The following TUSC3 variants were observed in gnomAD, a reference collection of about 807,000 sequenced individuals.
TUSC3 encodes the protein dolichyl-diphosphooligosaccharide--protein glycosyltransferase subunit TUSC3.
TUSC3 carries 45 observed loss-of-function variants against 44.8 expected under a neutral mutation model. The observed-to-expected ratio is 1.00, with a 90% confidence interval of 0.79 to 1.29. TUSC3 has a LOEUF of 1.29. Among genes scored for constraint, TUSC3 ranks in the 50% most tolerant of loss-of-function variants. The probability of loss-of-function intolerance (pLI) is 0.00; values close to 1 mark genes in which losing one functional copy is unlikely to be tolerated. For synonymous variants in TUSC3, 212 were observed against 152.9 expected (o/e 1.39, Z -2.85); for missense variants, 519 against 437.9 (o/e 1.19, Z -1.65).
At chr8:15,431,222 C>T (rs10087153) in intron 1 of TUSC3, among the ~76,000 whole-genome samples, 21,149 of 151,336 alleles carry the variant, frequency 0.14, 1,773 homozygotes, top group Middle Eastern at 0.22. Context: ...TTTTTTTAAT[C>T]ACATTTTTTA....
At chr8:15,634,203 C>A (rs1355085017) in intron 2 of TUSC3, among the ~76,000 whole-genome samples, 1 of 152,158 alleles carries the variant, frequency 6.6e-6, no homozygotes, top group African/African-American at 2.4e-5. Context: ...GTTTTGCTTA[C>A]AATTATTGAG....
chr8:15,805,212 A>G, the TUSC3 span, among the ~76,000 whole-genome samples: 3 of 152,086 alleles, frequency 2.0e-5, no homozygotes, highest in Non-Finnish European at 4.4e-5. Flanking sequence ...GTTGTTTATC[A>G]GGATCCAGGA....
At chr8:15,495,406 G>A (rs544969696) in intron 2 of TUSC3, among the ~76,000 whole-genome samples, 2 of 152,174 alleles carry the variant, frequency 1.3e-5, no homozygotes, top group East Asian at 3.9e-4. Flanking sequence ...TTAAAACCGT[G>A]GAAATGACCT....
intron 2 of TUSC3, among the ~76,000 whole-genome samples, chr8:15,526,189 C>T (rs1323572297): frequency 6.6e-6 from 1 of 152,012 alleles, no homozygotes; most frequent in Non-Finnish European, 1.5e-5. Flanking sequence ...CCCGCCATCA[C>T]GGCCGGCTAA....
Position 15,750,487 on chromosome 8 carries a change from G to T in TUSC3, c.1028+2022G>T, listed in dbSNP as rs527484882. ...TGTTGCACTTGACAGCCCTATTTTT[G>T]TTACGATAGGAAGAGTTTAAGTTTG... is the stretch of plus-strand genomic sequence containing the variant. On this transcript the variant is annotated intron_variant, in intron 9 of 10. Transcript: ENST00000503731. Among the ~76,000 whole-genome samples the T allele has an allele frequency of 1.9e-3, 292 of 151,518 alleles. 1 individual carries two copies. Among genetic ancestry groups the T allele is most frequent in the Non-Finnish European group, 3.3e-3 (222 of 67,852 alleles).
chr8:15,677,819 G>T (rs1808256079), intron 6 of TUSC3, among the ~76,000 whole-genome samples: 1 of 152,298 alleles, frequency 6.6e-6, no homozygotes, highest in Middle Eastern at 3.4e-3. Context: ...GCACTAAGAA[G>T]GGTGCCATGG....
At chr8:15,623,768 T>C (rs1158701471) in intron 2 of TUSC3, among the ~76,000 whole-genome samples, 1 of 152,166 alleles carries the variant, frequency 6.6e-6, no homozygotes, top group Non-Finnish European at 1.5e-5. Context: ...ACAAACACTT[T>C]TTTAAATTGA....
At chr8:15,419,507 C>G (rs1436685534) in intron 1 of TUSC3, among the ~76,000 whole-genome samples, 3 of 151,978 alleles carry the variant, frequency 2.0e-5, no homozygotes, top group African/African-American at 4.8e-5. Context: ...ACACATGTGC[C>G]AAATTTGATG....
At position 15,554,727 on chromosome 8, in the gene TUSC3, C is replaced by T. The variant is rs1309825468; in HGVS notation, c.138+14159C>T. 4.0e-5 allele frequency among the ~76,000 whole-genome samples: 6 copies of T among 150,168 alleles called. 1 individual carries two copies. The highest frequency in any genetic ancestry group is 8.9e-5 in the Non-Finnish European group (6 of 67,410). The stretch of plus-strand genomic sequence containing the variant: ...ACACCATTCTCCTGCCTCAGCCTCC[C>T]GAGTAGCTGGGACCACAGGCGCCCT... On this transcript the variant is annotated intron_variant, in intron 1 of 10. Transcript: ENST00000503731.
chr8:15,491,061 T>C (rs547474842), intron 2 of TUSC3, among the ~76,000 whole-genome samples: 1 of 152,276 alleles, frequency 6.6e-6, no homozygotes, highest in East Asian at 1.9e-4. Context: ...ACATTTTACA[T>C]ATGAGAAGGG....
chr8:15,741,373 C>A (rs2129213397), intron 7 of TUSC3, among the ~76,000 whole-genome samples: 1 of 152,264 alleles, frequency 6.6e-6, no homozygotes. Context: ...TTAATGTCTA[C>A]ATAAATTCAT....
chr8:15,533,205 G>A (rs546935535), intron 2 of TUSC3, among the ~76,000 whole-genome samples: 7 of 152,284 alleles, frequency 4.6e-5, no homozygotes, highest in South Asian at 2.1e-4. Context: ...TGAGGCCTCC[G>A]CAGCCACATG....
At chr8:15,487,790 A>T (rs959509804) in intron 2 of TUSC3, among the ~76,000 whole-genome samples, 222 of 152,302 alleles carry the variant, frequency 1.5e-3, no homozygotes, top group African/African-American at 5.1e-3. Flanking sequence ...GATGTTTCCA[A>T]GGATCACTTC....
chr8:15,662,036 T>C (rs750486927), intron 4 of TUSC3, 120 bp from the exon 5 acceptor site: 204 of 1,108,188 alleles, frequency 1.8e-4, no homozygotes, highest in Non-Finnish European at 2.5e-4. Flanking sequence ...GTGTCACGTA[T>C]GAAAAGTTGG....
chr8:15,768,717 T>C (rs1812392378), downstream of TUSC3, among the ~76,000 whole-genome samples: 1 of 152,160 alleles, frequency 6.6e-6, no homozygotes, highest in African/African-American at 2.4e-5. Context: ...CAAATCCCCT[T>C]AAGCTGATAA....
intron 9 of TUSC3, among the ~76,000 whole-genome samples, chr8:15,753,892 AAGAGGGAACAAAT>A (rs763948987): frequency 3.9e-4 from 60 of 152,216 alleles, no homozygotes; most frequent in Admixed American, 1.1e-3. Flanking sequence ...GCAAGTGTCA[AAGAGGGAACAAAT>A]AGAGGGAACA....
the TUSC3 span, among the ~76,000 whole-genome samples, chr8:15,790,408 G>A: frequency 1.3e-5 from 2 of 152,034 alleles, no homozygotes; most frequent in East Asian, 3.9e-4. Flanking sequence ...TGGTCTCCAT[G>A]TCTTAACCTC....
chr8:15,767,299 G>A (rs1006039589), downstream of TUSC3, among the ~76,000 whole-genome samples: 2 of 151,636 alleles, frequency 1.3e-5, no homozygotes, highest in African/African-American at 4.9e-5. Context: ...CTCACCTTCC[G>A]GCCATAATAG....
chr8:15,715,641 C>T lies in TUSC3; in HGVS notation c.799-15025C>T, dbSNP rs138175214. ...GTAGTTGACAGCAGGTAACCGATACCACAGAAAGTAAAACCAAAGATAAGG... is the reference window on the plus strand; with the variant it reads ...GTAGTTGACAGCAGGTAACCGATACTACAGAAAGTAAAACCAAAGATAAGG... On this transcript the variant is annotated intron_variant, in intron 6 of 10. Transcript: ENST00000503731. Among the ~76,000 whole-genome samples, 478 of 151,620 alleles carry T rather than the reference C, an allele frequency of 3.2e-3. 2 individuals are homozygous for T. Among genetic ancestry groups the T allele is most frequent in the African/African-American group, 0.011 (467 of 41,308 alleles).
Sources: gnomAD v4.1 joint callset for allele counts (sites outside exome capture counted in the v4.1 genomes callset) on GRCh38, gnomAD v4.1.1 for gene constraint, MANE v1.5 for transcripts, NCBI Gene and HGNC (gene_info 2026-07-23, HGNC 2026-07-21) for gene names.